Variants in ADAMTSL1 observed in about 807,000 individuals in gnomAD.
ADAMTSL1 encodes the protein ADAMTS-like protein 1.
A neutral mutation model predicts 201.8 loss-of-function variants in ADAMTSL1; 126 were observed. The ratio of observed to expected loss-of-function variants is 0.62; its 90% confidence interval spans 0.54 to 0.72. ADAMTSL1 has a LOEUF of 0.72. ADAMTSL1 is among the 30% of genes least tolerant of loss of function. The probability of loss-of-function intolerance (pLI) is 0.00; values close to 1 mark genes in which losing one functional copy is unlikely to be tolerated. For missense variants in ADAMTSL1, 2,679 were observed against 2,277.8 expected (o/e 1.18, Z -3.59); for synonymous variants, 1,121 against 903.4 (o/e 1.24, Z -4.32).
At chr9:18,491,590 C>T (rs34619899) in intron 1 of ADAMTSL1, among the ~76,000 whole-genome samples, 39,422 of 152,084 alleles carry the variant, frequency 0.26, 5,827 homozygotes, top group East Asian at 0.43. Flanking sequence ...TAATAATAAA[C>T]ATTTAATAAG....
rs996768349 is a variant in ADAMTSL1 at position 18,821,699 on chromosome 9, T to C, written c.3934+4462T>C. On this transcript the variant is annotated intron_variant, in intron 21 of 28. Coordinates refer to ENST00000380548, the MANE Select transcript of ADAMTSL1 (RefSeq NM_001040272.6). ...TAATTGACAAGACTGACAGTTGAGT[T>C]ACTGTATCCTTTCTCTTTTCTTTCC... 5.9e-5 allele frequency among the ~76,000 whole-genome samples: 9 copies of C among 152,284 alleles called. No homozygotes were observed. The South Asian group carries it at 1.0e-3, about 18-fold the overall frequency.
chr9:18,497,723 A>G (rs1280704127), intron 1 of ADAMTSL1, among the ~76,000 whole-genome samples: 1 of 152,250 alleles, frequency 6.6e-6, no homozygotes. Flanking sequence ...CCTGAATACT[A>G]ACCTTTGTTC....
chr9:18,253,787 C>T (rs1230459788), intron 2 of ADAMTSL1, among the ~76,000 whole-genome samples: 1 of 152,136 alleles, frequency 6.6e-6, no homozygotes, highest in Non-Finnish European at 1.5e-5. Flanking sequence ...TTCCGGAGAT[C>T]TCCCCTTAAA....
intron 26 of ADAMTSL1, among the ~76,000 whole-genome samples, chr9:18,901,325 T>C (rs1006932681): frequency 6.6e-6 from 1 of 152,104 alleles, no homozygotes; most frequent in African/African-American, 2.4e-5. Flanking sequence ...AATAAAAAGA[T>C]GCTAGTTAAC....
intron 2 of ADAMTSL1, among the ~76,000 whole-genome samples, chr9:18,357,763 G>C (rs982867291): frequency 9.9e-5 from 15 of 151,922 alleles, no homozygotes; most frequent in African/African-American, 3.6e-4. Context: ...CCATAACCTA[G>C]AATTGGAAAA....
intron 2 of ADAMTSL1, among the ~76,000 whole-genome samples, chr9:18,169,528 G>A (rs142267742): frequency 0.14 from 21,961 of 151,988 alleles, 1,821 homozygotes; most frequent in East Asian, 0.24. Context: ...GGTTACTGTA[G>A]CCTTGTAGTA....
intron 2 of ADAMTSL1, among the ~76,000 whole-genome samples, chr9:18,457,220 T>C (rs1820638474): frequency 6.6e-6 from 1 of 152,176 alleles, no homozygotes; most frequent in African/African-American, 2.4e-5. Context: ...AGCAAAAAAC[T>C]ATTTTGATAA....
intron 23 of ADAMTSL1, among the ~76,000 whole-genome samples, chr9:18,876,301 C>CGTGTGTGTGTGT (rs59150507): frequency 0.27 from 38,057 of 139,278 alleles, 5,489 homozygotes; most frequent in Middle Eastern, 0.32. Context: ...TGCCTGAATA[C>CGTGTGTGTGTGT]GTGTGTGTGT....
intron 1 of ADAMTSL1, among the ~76,000 whole-genome samples, chr9:18,131,415 G>T (rs1426091156): frequency 6.6e-6 from 1 of 152,148 alleles, no homozygotes; most frequent in East Asian, 1.9e-4. Context: ...TATGAGTGCT[G>T]CAGGGTCCTG....
chr9:18,000,394 C>T (rs1403237688), intron 1 of ADAMTSL1, among the ~76,000 whole-genome samples: 2 of 152,018 alleles, frequency 1.3e-5, no homozygotes, highest in Non-Finnish European at 2.9e-5. Flanking sequence ...AACCAGTCAT[C>T]CTGCCTCACC....
intron 2 of ADAMTSL1, among the ~76,000 whole-genome samples, chr9:18,270,841 G>C (rs1233619359): frequency 6.6e-6 from 1 of 152,190 alleles, no homozygotes; most frequent in Non-Finnish European, 1.5e-5. Flanking sequence ...ATGAGTGGAA[G>C]TGATATATGT....
At chr9:18,127,388 T>C (rs1825776573) in intron 1 of ADAMTSL1, among the ~76,000 whole-genome samples, 1 of 151,020 alleles carries the variant, frequency 6.6e-6, no homozygotes, top group Non-Finnish European at 1.5e-5. Context: ...GTGAATGGAG[T>C]GGGAGTGGAT....
At chr9:18,258,622 T>C (rs1343804017) in intron 2 of ADAMTSL1, among the ~76,000 whole-genome samples, 1 of 152,144 alleles carries the variant, frequency 6.6e-6, no homozygotes, top group African/African-American at 2.4e-5. Flanking sequence ...GCCAGTGCCT[T>C]CTCCAGGACC....
intron 1 of ADAMTSL1, among the ~76,000 whole-genome samples, chr9:18,019,732 A>G (rs1307045691): frequency 6.6e-6 from 1 of 152,152 alleles, no homozygotes; most frequent in African/African-American, 2.4e-5. Flanking sequence ...GAGACAGTAT[A>G]GAATGAAGAA....
chr9:18,393,591 A>T (rs1473742254), intron 2 of ADAMTSL1, among the ~76,000 whole-genome samples: 1 of 152,240 alleles, frequency 6.6e-6, no homozygotes, highest in African/African-American at 2.4e-5. Context: ...GTTGGCTCCC[A>T]ACATCCATTT....
chr9:18,025,677 A>G (rs1185192312), intron 1 of ADAMTSL1, among the ~76,000 whole-genome samples: 1 of 152,042 alleles, frequency 6.6e-6, no homozygotes, highest in Non-Finnish European at 1.5e-5. Context: ...GTTTGAAGTC[A>G]TGTAATGTGA....
At chr9:18,196,911 A>G (rs1221563050) in intron 2 of ADAMTSL1, among the ~76,000 whole-genome samples, 1 of 152,180 alleles carries the variant, frequency 6.6e-6, no homozygotes, top group African/African-American at 2.4e-5. Flanking sequence ...TCCTCAAAGA[A>G]GCCTTCCAGA....
At chr9:18,324,486 T>C (rs1270399970) in intron 2 of ADAMTSL1, among the ~76,000 whole-genome samples, 1 of 151,426 alleles carries the variant, frequency 6.6e-6, no homozygotes, top group East Asian at 1.9e-4. Context: ...TACATCAGGC[T>C]AGGTGCAGTG....
intron 4 of ADAMTSL1, among the ~76,000 whole-genome samples, chr9:18,616,218 T>C (rs1024917554): frequency 5.9e-5 from 9 of 152,134 alleles, no homozygotes; most frequent in Admixed American, 5.2e-4. Flanking sequence ...AGGGATGGGG[T>C]TTTGCCATAC....
Sources: allele counts gnomAD v4.1 joint callset (sites outside exome capture counted in the v4.1 genomes callset), GRCh38; gene constraint gnomAD v4.1.1; transcripts MANE v1.5; gene names NCBI Gene and HGNC (gene_info 2026-07-23, HGNC 2026-07-21).